AAK1: variants seen among roughly 807,000 people sequenced by gnomAD.
AAK1 encodes AP2 associated kinase 1, also known as AP2-associated protein kinase 1.
Under a neutral mutation model 116.0 loss-of-function variants are expected in AAK1, and 37 were observed. The observed-to-expected ratio is 0.32, with a 90% confidence interval of 0.25 to 0.42. The LOEUF is 0.42. Among genes scored for constraint, AAK1 ranks in the 10% least tolerant of loss-of-function variants. The pLI, the probability that AAK1 is intolerant of heterozygous loss-of-function variation, is 1.00. For synonymous variants in AAK1, 458 were observed against 439.9 expected (o/e 1.04, Z -0.51); for missense variants, 919 against 1,170.6 (o/e 0.79, Z 3.14).
In AAK1 at chr2:69,474,414, T is replaced by A. The variant is rs1227750564; in HGVS notation, c.*1455A>T. On this transcript the variant is annotated 3_prime_UTR_variant, in exon 22 of 22. Coordinates refer to ENST00000409085, the MANE Select transcript of AAK1 (RefSeq NM_014911.5). ...GTGCTTTCCACATAAGGAAATAAAA[T>A]ACACTTTAATGAGTAAGTACATATA... 1.0e-6 allele frequency: 1 copy of A among 985,674 alleles called. No individual in the cohort carries two copies. Among genetic ancestry groups the A allele is most frequent in the African/African-American group, 1.7e-5 (1 of 57,216 alleles). The allele number at this position is 985,674 out of a possible 1,614,324, so 61.1% of individuals were successfully genotyped here.
intron 10 of AAK1, 102 bp downstream of exon 10, chr2:69,524,931 C>A: frequency 2.6e-6 from 3 of 1,154,690 alleles, no homozygotes; most frequent in Non-Finnish European, 1.3e-6. Context: ...TCTGTGCAGC[C>A]CCTGGTCATG....
At chr2:69,610,380 G>A (rs1367218406) in intron 2 of AAK1, among the ~76,000 whole-genome samples, 1 of 152,144 alleles carries the variant, frequency 6.6e-6, no homozygotes, top group Non-Finnish European at 1.5e-5. Flanking sequence ...CATCTAAAAA[G>A]CTAAAACTAC....
intron 16 of AAK1, among the ~76,000 whole-genome samples, chr2:69,504,609 A>G (rs1158612893): frequency 2.0e-5 from 3 of 152,032 alleles, no homozygotes; most frequent in African/African-American, 7.2e-5. Flanking sequence ...CTCTACAAAC[A>G]TACAAAAATT....
chr2:69,484,700 C>T (rs1268367630), intron 17 of AAK1, among the ~76,000 whole-genome samples: 3 of 151,932 alleles, frequency 2.0e-5, no homozygotes, highest in African/African-American at 7.3e-5. Flanking sequence ...CATGGCGAAA[C>T]CCCGCCTCTA....
At chr2:69,623,431 C>T (rs754494950) in intron 2 of AAK1, among the ~76,000 whole-genome samples, 4 of 152,178 alleles carry the variant, frequency 2.6e-5, no homozygotes, top group South Asian at 2.1e-4. Context: ...TCAACAGCCT[C>T]GTAGATGCCC....
At chr2:69,502,967 A>G (rs552860198) in intron 16 of AAK1, among the ~76,000 whole-genome samples, 12 of 152,336 alleles carry the variant, frequency 7.9e-5, no homozygotes, top group South Asian at 2.1e-4. Flanking sequence ...TCCATGAACA[A>G]TCATATTGTA....
At chr2:69,610,029 C>A (rs372630517) in intron 2 of AAK1, among the ~76,000 whole-genome samples, 12 of 125,852 alleles carry the variant, frequency 9.5e-5, no homozygotes, top group Middle Eastern at 5.1e-3. Context: ...CCAGCCTGGG[C>A]GACAGAGTGA....
At chr2:69,632,825 A>C (rs1213618566) in intron 2 of AAK1, among the ~76,000 whole-genome samples, 1 of 151,584 alleles carries the variant, frequency 6.6e-6, no homozygotes, top group Non-Finnish European at 1.5e-5. Context: ...CGAGGTCGGG[A>C]GATCGAGACC....
chr2:69,613,991 C>A (rs1386001993), intron 2 of AAK1, among the ~76,000 whole-genome samples: 1 of 152,224 alleles, frequency 6.6e-6, no homozygotes, highest in East Asian at 1.9e-4. Context: ...TAGATAGTGT[C>A]AGAATTAATT....
At chr2:69,588,637 A>G (rs1418972105) in intron 2 of AAK1, among the ~76,000 whole-genome samples, 1 of 152,064 alleles carries the variant, frequency 6.6e-6, no homozygotes, top group African/African-American at 2.4e-5. Context: ...TAATTGCATC[A>G]TTTTGTTACT....
chr2:69,486,435 A>G (rs2104907458), intron 17 of AAK1, among the ~76,000 whole-genome samples: 1 of 152,284 alleles, frequency 6.6e-6, no homozygotes, highest in South Asian at 2.1e-4. Context: ...GATAACTTGT[A>G]TGGTCACGGC....
At chr2:69,617,450 G>A (rs1674386864) in intron 2 of AAK1, among the ~76,000 whole-genome samples, 1 of 152,148 alleles carries the variant, frequency 6.6e-6, no homozygotes, top group Admixed American at 6.5e-5. Flanking sequence ...TGTGAGTTAG[G>A]CTGTTTGAAT....
intron 2 of AAK1, among the ~76,000 whole-genome samples, chr2:69,583,403 C>T (rs1478423125): frequency 6.6e-6 from 1 of 152,252 alleles, no homozygotes; most frequent in Non-Finnish European, 1.5e-5. Flanking sequence ...GGAAGCATTA[C>T]TTCCTTGGGG....
In AAK1 at chr2:69,467,657, A is replaced by C. The variant is rs1415603850; in HGVS notation, c.*8212T>G. The C allele has an allele frequency of 1.0e-6, 1 of 985,276 alleles. No individual in the cohort carries two copies. Among genetic ancestry groups the C allele is most frequent in the African/African-American group, 1.7e-5 (1 of 57,226 alleles). 61.0% of individuals were successfully genotyped at this position (985,276 alleles called of 1,614,324 possible). A position where few individuals can be genotyped will look rare whatever the true frequency, so the allele number is the denominator to read the frequency against. On this transcript the variant is annotated 3_prime_UTR_variant, in exon 22 of 22. Transcript: ENST00000409085. ...GACCCAGAACCTCTGTAGAGATGGA[A>C]CTCAATGATCCCCTTCCCATACTGA...
chr2:69,492,804 G>A (rs1446667949), intron 17 of AAK1, among the ~76,000 whole-genome samples: 2 of 152,016 alleles, frequency 1.3e-5, no homozygotes, highest in Non-Finnish European at 2.9e-5. Context: ...TATTACAGGT[G>A]TCAGCTACCA....
chr2:69,548,797 G>C (rs564336655), intron 3 of AAK1, among the ~76,000 whole-genome samples: 1 of 152,000 alleles, frequency 6.6e-6, no homozygotes, highest in East Asian at 1.9e-4. Context: ...TAGAAACAGG[G>C]TTTCACCATC....
At chr2:69,536,145 T>TCACC (rs1670463313) in intron 5 of AAK1, among the ~76,000 whole-genome samples, 1 of 152,086 alleles carries the variant, frequency 6.6e-6, no homozygotes, top group Non-Finnish European at 1.5e-5. Context: ...GACCACACCC[T>TCACC]CACCCACCGT....
At chr2:69,639,788 T>A (rs559353250) in intron 2 of AAK1, among the ~76,000 whole-genome samples, 125 of 152,240 alleles carry the variant, frequency 8.2e-4, no homozygotes, top group African/African-American at 3.0e-3. Flanking sequence ...ACTCCTGTGG[T>A]CCTTAAACAA....
chr2:69,524,962 G>A, intron 10 of AAK1, 71 bp downstream of exon 10: 1 of 1,435,826 alleles, frequency 7.0e-7, no homozygotes, highest in Non-Finnish European at 9.8e-7. Flanking sequence ...TAAGAATCAA[G>A]AAACACAGGC....
Sources: gnomAD v4.1 joint callset for allele counts (sites outside exome capture counted in the v4.1 genomes callset) on GRCh38, gnomAD v4.1.1 for gene constraint, MANE v1.5 for transcripts, NCBI Gene and HGNC (gene_info 2026-07-23, HGNC 2026-07-21) for gene names.